The following GRK1 variants were observed in gnomAD, a reference collection of about 807,000 sequenced individuals.
GRK1 encodes the protein rhodopsin kinase GRK1.
GRK1 carries 28 observed loss-of-function variants against 41.7 expected under a neutral mutation model. The ratio of observed to expected loss-of-function variants is 0.67; its 90% CI spans 0.50 to 0.92. GRK1 has a LOEUF of 0.92. Among genes scored for constraint, GRK1 ranks in the 40% least tolerant of loss-of-function variants. The pLI is 0.00. For synonymous variants in GRK1, 327 were observed against 286.7 expected, an observed-to-expected ratio of 1.14 and a Z score of -1.42; for missense variants, 703 against 671.2, an observed-to-expected ratio of 1.05 and a Z score of -0.52.
upstream of GRK1, among the ~76,000 whole-genome samples, chr13:113,663,219 G>A (rs572753717): frequency 3.5e-4 from 54 of 152,238 alleles, no homozygotes; most frequent in African/African-American, 9.4e-4. Flanking sequence ...TGACAAAGGC[G>A]CAAAAGGAAT....
chr13:113,653,125 C>A, the GRK1 span: 3 of 1,568,470 alleles, frequency 1.9e-6, no homozygotes, highest in Non-Finnish European at 2.6e-6. Flanking sequence ...TGACGCCTGG[C>A]TGCCCCCCGG....
the GRK1 span, among the ~76,000 whole-genome samples, chr13:113,658,619 G>A: frequency 4.6e-5 from 7 of 152,168 alleles, no homozygotes; most frequent in South Asian, 2.1e-4. Flanking sequence ...AGGGGCGACC[G>A]GCTCCCTGGG....
chr13:113,662,049 T>G, the GRK1 span, among the ~76,000 whole-genome samples: 2 of 152,164 alleles, frequency 1.3e-5, no homozygotes, highest in Non-Finnish European at 2.9e-5. Context: ...ATATCCCTCA[T>G]GAATATAGAT....
At chr13:113,654,621 T>C in the GRK1 span, among the ~76,000 whole-genome samples, 270 of 152,376 alleles carry the variant, frequency 1.8e-3, no homozygotes, top group Middle Eastern at 0.024. Flanking sequence ...GTGCTGCTCT[T>C]AAAGCCGGTT....
upstream of GRK1, among the ~76,000 whole-genome samples, chr13:113,663,234 T>C (rs2049800311): frequency 6.6e-6 from 1 of 152,174 alleles, no homozygotes; most frequent in African/African-American, 2.4e-5. Context: ...AGGAATTCAA[T>C]GAAGCAAAAA....
chr13:113,651,771 G>A, the GRK1 span: 11 of 1,602,040 alleles, frequency 6.9e-6, no homozygotes, highest in East Asian at 6.7e-5. Context: ...CACCCCCACC[G>A]CCATGTGAGG....
intron 3 of GRK1, among the ~76,000 whole-genome samples, chr13:113,672,739 C>T (rs1427906039): frequency 3.7e-4 from 27 of 73,890 alleles, no homozygotes; most frequent in African/African-American, 2.0e-3. Context: ...AATATTGTGT[C>T]TATTTACCTC....
In GRK1 at chr13:113,736,346, G is replaced by C. The variant is rs910355510; in HGVS notation, c.*983G>C. On this transcript the variant is annotated 3_prime_UTR_variant, in exon 7 of 7. Coordinates refer to ENST00000335678, the MANE Select transcript of GRK1 (RefSeq NM_002929.3). ...GAGCTCCTTGCTGCAACCCCTCTCT[G>C]TGTTCCCAGTAGCAGCAGCACTGGA... 3 of 152,238 alleles carry C rather than the reference G, an allele frequency of 2.0e-5. No homozygotes were observed. The highest frequency in any genetic ancestry group is 6.5e-5 in the Admixed American group (1 of 15,282). 9.4% of individuals were successfully genotyped at this position (152,238 alleles called of 1,614,324 possible). A position where few individuals can be genotyped will look rare whatever the true frequency, so the allele number is the denominator to read the frequency against.
At chr13:113,659,077 G>A in the GRK1 span, among the ~76,000 whole-genome samples, 1 of 152,344 alleles carries the variant, frequency 6.6e-6, no homozygotes, top group Admixed American at 6.5e-5. Flanking sequence ...GGACCATGAA[G>A]TCATCACTGC....
upstream of GRK1, among the ~76,000 whole-genome samples, chr13:113,662,492 A>G (rs75333698): frequency 9.4e-4 from 143 of 152,364 alleles, 1 homozygote; most frequent in Non-Finnish European, 1.6e-3. Flanking sequence ...GAATATCAGA[A>G]AGGAAGAAAT....
In GRK1 at chr13:113,671,741, G is replaced by C. The variant is rs946947382; in HGVS notation, c.985+85G>C. ...CTTGGGGGTCTCTGCACAACCTCAC[G>C]AGGGCTGACGGCTGTGTGGACGGTG... On this transcript the variant is annotated intron_variant, in intron 3 of 6. Coordinates refer to ENST00000335678, the MANE Select transcript of GRK1 (RefSeq NM_002929.3). This position sits in a 1 kb window ranked among gnomAD's most constrained non-coding sequence, Gnocchi z 4.1. 12 of 693,726 alleles carry C rather than the reference G, an allele frequency of 1.7e-5. No individual in the cohort carries two copies. Among genetic ancestry groups the C allele is most frequent in the Non-Finnish European group, 2.9e-5 (11 of 380,064 alleles). The allele number at this position is 693,726 out of a possible 1,614,324, so 43.0% of individuals were successfully genotyped here.
the GRK1 span, among the ~76,000 whole-genome samples, chr13:113,657,451 A>T: frequency 6.6e-6 from 1 of 152,208 alleles, no homozygotes; most frequent in East Asian, 1.9e-4. Flanking sequence ...AGGCCCAGGC[A>T]TCTGCTTTCC....
intron 5 of GRK1, among the ~76,000 whole-genome samples, chr13:113,732,421 A>C (rs768172672): frequency 2.0e-5 from 3 of 152,120 alleles, no homozygotes; most frequent in Non-Finnish European, 4.4e-5. Context: ...CAATGGCCTG[A>C]TCCGGGGGCC....
chr13:113,733,946 G>GTGTGTGTGCATACGTGTGAA (rs2049977197), intron 6 of GRK1, among the ~76,000 whole-genome samples: 2 of 137,404 alleles, frequency 1.5e-5, no homozygotes, highest in African/African-American at 5.9e-5. Context: ...ACGTGTGTGC[G>GTGTGTGTGCATACGTGTGAA]TGTGTGTGCA....
the GRK1 span, among the ~76,000 whole-genome samples, chr13:113,648,249 A>G: frequency 6.6e-6 from 1 of 152,218 alleles, no homozygotes; most frequent in African/African-American, 2.4e-5. Flanking sequence ...CCATCGGTAA[A>G]TTGATTTAGT....
chr13:113,654,606 C>A, the GRK1 span, among the ~76,000 whole-genome samples: 1 of 152,264 alleles, frequency 6.6e-6, no homozygotes, highest in African/African-American at 2.4e-5. Context: ...GCCGCTTATG[C>A]CTTGGTGCTG....
At chr13:113,663,899 C>T (rs1478210921), upstream of GRK1, among the ~76,000 whole-genome samples, 2 of 152,216 alleles carry the variant, frequency 1.3e-5, no homozygotes, top group African/African-American at 2.4e-5. Context: ...TTCTTCAAAA[C>T]TAAACGTGCA....
upstream of GRK1, among the ~76,000 whole-genome samples, chr13:113,665,705 G>T (rs928108046): frequency 2.7e-5 from 4 of 147,384 alleles, no homozygotes; most frequent in African/African-American, 1.0e-4. Flanking sequence ...TCTCAGGTGT[G>T]CCCCAGGCAT....
Position 113,737,342 on chromosome 13 carries a change from C to A in GRK1, c.*1979C>A. ...GTCTTCCCATAGATCCCACATCGGCCACACCCTGGGTGAGGAGCATGTCTT... is the reference window on the plus strand; with the variant it reads ...GTCTTCCCATAGATCCCACATCGGCAACACCCTGGGTGAGGAGCATGTCTT... On this transcript the variant is annotated 3_prime_UTR_variant, in exon 7 of 7. Transcript: ENST00000335678. 7.9e-6 allele frequency: 1 copy of A among 127,070 alleles called. No individual in the cohort carries two copies. The highest frequency in any genetic ancestry group is 2.2e-4 in the East Asian group (1 of 4,456). 7.9% of individuals were successfully genotyped at this position (127,070 alleles called of 1,614,324 possible). A position where few individuals can be genotyped will look rare whatever the true frequency, so the allele number is the denominator to read the frequency against.
Sources: gnomAD v4.1 joint callset for allele counts (sites outside exome capture counted in the v4.1 genomes callset) on GRCh38, gnomAD v4.1.1 for gene constraint, Gnocchi (gnomAD v3.1) non-coding constraint, MANE v1.5 for transcripts, NCBI Gene and HGNC (gene_info 2026-07-23, HGNC 2026-07-21) for gene names.